UBR1: variants seen among roughly 807,000 people sequenced by gnomAD.
The protein encoded by UBR1 is E3 ubiquitin-protein ligase UBR1.
UBR1 carries 102 observed loss-of-function variants against 242.1 expected under a neutral mutation model. The ratio of observed to expected loss-of-function variants is 0.42; its 90% CI spans 0.36 to 0.50. The LOEUF (loss-of-function observed/expected upper bound fraction) is 0.50, where lower values mean the gene tolerates loss of function less well. Among genes scored for constraint, UBR1 ranks in the 20% least tolerant of loss-of-function variants. UBR1 has a pLI of 0.01. For synonymous variants in UBR1, 675 were observed against 684.8 expected (o/e 0.99, Z 0.22); for missense variants, 1,772 against 2,101.8 (o/e 0.84, Z 3.07).
chr15:43,059,981 T>C, intron 7 of UBR1, 71 bp downstream of exon 7: 4 of 1,580,998 alleles, frequency 2.5e-6, no homozygotes, highest in Non-Finnish European at 3.5e-6. Context: ...TCACTCAAAT[T>C]ATTCTACTTG....
At chr15:43,024,765 A>T in intron 25 of UBR1, 64 bp downstream of exon 25, 1 of 1,610,012 alleles carries the variant, frequency 6.2e-7, no homozygotes, top group Non-Finnish European at 8.5e-7. Flanking sequence ...TAGACCTGAG[A>T]TCTTCCCTAG....
intron 29 of UBR1, among the ~76,000 whole-genome samples, chr15:43,010,325 T>TG (rs1204709542): frequency 1.3e-5 from 2 of 149,326 alleles, no homozygotes; most frequent in African/African-American, 4.9e-5. Flanking sequence ...CAGTACTACA[T>TG]GAAAAAAAAA....
intron 19 of UBR1, among the ~76,000 whole-genome samples, chr15:43,035,265 AGT>A (rs758392441): frequency 6.6e-6 from 1 of 152,194 alleles, no homozygotes; most frequent in Non-Finnish European, 1.5e-5. Context: ...TCTAGGAAGC[AGT>A]GTTTTTCATG....
intron 29 of UBR1, among the ~76,000 whole-genome samples, chr15:43,014,032 C>T (rs1199732956): frequency 6.6e-6 from 1 of 152,258 alleles, no homozygotes; most frequent in Non-Finnish European, 1.5e-5. Flanking sequence ...CAGGTGCACG[C>T]TGCCACGCCT....
intron 37 of UBR1, among the ~76,000 whole-genome samples, chr15:42,983,123 C>T (rs1376048823): frequency 6.6e-6 from 1 of 152,128 alleles, no homozygotes; most frequent in Non-Finnish European, 1.5e-5. Flanking sequence ...GCCAGCCTGT[C>T]AAAGAAATGG....
At position 43,038,539 on chromosome 15, in the gene UBR1, A is replaced by G. The variant is rs546737697; in HGVS notation, c.1850-307T>C. Among the ~76,000 whole-genome samples the G allele has an allele frequency of 5.1e-4, 77 of 152,268 alleles. 1 individual carries two copies. In the South Asian group the frequency reaches 0.015, roughly 30 times the overall value. On this transcript the variant is annotated intron_variant, in intron 15 of 46. Coordinates refer to ENST00000290650, the MANE Select transcript of UBR1 (RefSeq NM_174916.3). ...AACCTGGGAGGCGGAAGTTGCAGTG[A>G]GCCAAGATCATGCCACTGCACTTCA...
chr15:42,960,736 T>C lies in UBR1; in HGVS notation c.4701-35A>G, dbSNP rs769130475. On this transcript the variant is annotated intron_variant, in intron 42 of 46. Transcript: ENST00000290650. ...GAGCCAAGAGAAAAGACAAATGGAT[T>C]ATCACAGCTTCAATGCATGATTTGT... 3.7e-6 allele frequency: 6 copies of C among 1,602,124 alleles called. No homozygotes were observed. In the South Asian group the frequency reaches 6.6e-5, roughly 18 times the overall value.
At chr15:43,031,012 C>T (rs564999836) in intron 20 of UBR1, among the ~76,000 whole-genome samples, 6 of 152,280 alleles carry the variant, frequency 3.9e-5, no homozygotes, top group East Asian at 1.9e-4. Context: ...TTAGAGATCA[C>T]GTAGGTTACC....
chr15:42,951,243 G>C (rs1472661152), intron 45 of UBR1, among the ~76,000 whole-genome samples: 1 of 151,740 alleles, frequency 6.6e-6, no homozygotes, highest in East Asian at 1.9e-4. Flanking sequence ...TTTTTTCCCA[G>C]ATAGAGTCTT....
intron 27 of UBR1, among the ~76,000 whole-genome samples, chr15:43,019,103 C>T (rs2033068747): frequency 6.6e-6 from 1 of 152,032 alleles, no homozygotes; most frequent in Admixed American, 6.5e-5. Context: ...GCTTTGTCGC[C>T]CACGCTGGAG....
intron 27 of UBR1, among the ~76,000 whole-genome samples, chr15:43,018,858 T>C (rs983873729): frequency 6.6e-6 from 1 of 152,228 alleles, no homozygotes; most frequent in African/African-American, 2.4e-5. Context: ...AGTATTCTAA[T>C]TGAAAATGAA....
intron 20 of UBR1, among the ~76,000 whole-genome samples, chr15:43,031,506 C>G (rs1347030046): frequency 6.6e-6 from 1 of 152,100 alleles, no homozygotes; most frequent in Non-Finnish European, 1.5e-5. Context: ...CTGGCATATT[C>G]TGGACAGGAA....
At chr15:43,096,059 G>A (rs908275006) in intron 1 of UBR1, among the ~76,000 whole-genome samples, 5 of 152,154 alleles carry the variant, frequency 3.3e-5, no homozygotes, top group African/African-American at 9.7e-5. Context: ...ATGATCATCT[G>A]AGTCTTTAGA....
intron 38 of UBR1, among the ~76,000 whole-genome samples, chr15:42,977,619 C>T (rs895340349): frequency 1.3e-5 from 2 of 150,558 alleles, no homozygotes; most frequent in Non-Finnish European, 2.9e-5. Flanking sequence ...TTAGAAAAGG[C>T]TTGTCTGTAC....
chr15:43,105,906 G>A (rs572247857), intron 1 of UBR1, 36 bp downstream of exon 1: 7 of 1,600,956 alleles, frequency 4.4e-6, no homozygotes, highest in Non-Finnish European at 5.1e-6. Context: ...GAGGGACCGG[G>A]GGGAGGACAA....
intron 27 of UBR1, 69 bp downstream of exon 27, chr15:43,021,206 C>T (rs2141302220): frequency 7.7e-7 from 1 of 1,300,510 alleles, no homozygotes; most frequent in Non-Finnish European, 1.1e-6. Flanking sequence ...AGTGGTTTAA[C>T]ACTGGAGGCA....
chr15:42,950,255 A>G lies in UBR1; in HGVS notation c.5108+7T>C. 2.5e-6 allele frequency: 4 copies of G among 1,613,108 alleles called. No homozygotes were observed. The highest frequency in any genetic ancestry group is 3.4e-6 in the Non-Finnish European group (4 of 1,179,064). On this transcript the variant is annotated splice_region_variant and intron_variant, in intron 46 of 46. Transcript: ENST00000290650. ...GAAACCTTCCTATTATATAAAAAAA[A>G]TCTTACTTCAGGCCAGGGTCTGTTT... is the stretch of plus-strand genomic sequence containing the variant.
At chr15:43,026,823 C>T (rs1463231368) in intron 22 of UBR1, among the ~76,000 whole-genome samples, 160 bp from the exon 23 acceptor site, 1 of 152,024 alleles carries the variant, frequency 6.6e-6, no homozygotes, top group East Asian at 1.9e-4. Context: ...AAACTAAAAA[C>T]CTACATTGTG....
intron 43 of UBR1, among the ~76,000 whole-genome samples, chr15:42,958,385 C>G (rs1022609842): frequency 2.0e-5 from 3 of 152,142 alleles, no homozygotes; most frequent in African/African-American, 7.2e-5. Context: ...AAGAACACAG[C>G]CTTTGAAATT....
Sources: allele counts gnomAD v4.1 joint callset (sites outside exome capture counted in the v4.1 genomes callset), GRCh38; gene constraint gnomAD v4.1.1; transcripts MANE v1.5; gene names NCBI Gene and HGNC (gene_info 2026-07-23, HGNC 2026-07-21).